USP45: variants seen among roughly 807,000 people sequenced by gnomAD.
The protein encoded by USP45 is ubiquitin carboxyl-terminal hydrolase 45.
A neutral mutation model predicts 95.8 loss-of-function variants in USP45; 89 were observed. The ratio of observed to expected loss-of-function variants is 0.93; its 90% CI spans 0.78 to 1.11. The LOEUF (loss-of-function observed/expected upper bound fraction) is 1.11. Ranked by LOEUF, USP45 falls within the 50% of genes least tolerant of loss-of-function variation. The pLI, the probability that USP45 is intolerant of heterozygous loss-of-function variation, is 0.00. For synonymous variants in USP45, 281 were observed against 316.2 expected, an observed-to-expected ratio of 0.89 and a Z score of 1.18; for missense variants, 898 against 942.5, an observed-to-expected ratio of 0.95 and a Z score of 0.62.
chr6:99,437,369 C>T lies in USP45; in HGVS notation c.2191G>A (p.Gly731Ser), dbSNP rs1431683241. The change falls in exon 17 of 18, where the codon GGT becomes AGT. Residue 731 changes from glycine to serine, a missense_variant. Transcript: ENST00000500704. ...NASVGDKVLY[G>S]LYGIVEHSGS... is the part of the protein sequence containing the mutation. Reference sequence around the variant, plus strand: ...CTATGTTCCACTATGCCATAGAGACCGTAGAGAACTTTATCTCCCACACTT... The same window carrying T: ...CTATGTTCCACTATGCCATAGAGACTGTAGAGAACTTTATCTCCCACACTT... The T allele has an allele frequency of 4.4e-6, 7 of 1,604,114 alleles. No individual in the cohort carries two copies. The highest frequency in any genetic ancestry group is 3.4e-5 in the South Asian group (3 of 88,558).
At chr6:99,439,977 T>G (rs1259705085) in intron 15 of USP45, 122 bp from the exon 16 acceptor site, 2 of 577,358 alleles carry the variant, frequency 3.5e-6, no homozygotes, top group African/African-American at 3.8e-5. Flanking sequence ...ATGTGACTAA[T>G]GTATAGTCTA....
chr6:99,469,484 ATATTTTT>A lies in USP45; in HGVS notation c.934-873_934-867del, dbSNP rs1012708923. Among the ~76,000 whole-genome samples, 8 of 8,816 alleles carry A rather than the reference ATATTTTT, an allele frequency of 9.1e-4. No individual in the cohort carries two copies. In the Admixed American group the frequency reaches 9.5e-3, roughly 10 times the overall value. The allele number at this position is 8,816 out of a possible 152,430, so 5.8% of individuals were successfully genotyped here. The stretch of plus-strand genomic sequence containing the variant: ...TAATATATATATAATATATATATAT[ATATTTTT>A]TTTTTTTTTGAGAGTCTTGTTTTGT... On this transcript the variant is annotated intron_variant, in intron 9 of 17. Transcript: ENST00000500704.
chr6:99,508,866 A>G lies in USP45; in HGVS notation c.101-84T>C, dbSNP rs1321483671. On this transcript the variant is annotated intron_variant, in intron 2 of 17. Coordinates refer to ENST00000500704, the MANE Select transcript of USP45 (RefSeq NM_001346022.3). ...ACTGAGCAAACCTCAAAAGTATTAA[A>G]TGCTGTTAACTAAAAAGCACAGAGA... 4.8e-6 allele frequency: 6 copies of G among 1,240,726 alleles called. No homozygotes were observed. The Admixed American group carries it at 1.1e-4, about 23-fold the overall frequency. 76.9% of individuals were successfully genotyped at this position (1,240,726 alleles called of 1,614,324 possible).
intron 1 of USP45, among the ~76,000 whole-genome samples, chr6:99,511,841 GTGTGTA>G (rs1323535052): frequency 0.04 from 5,281 of 133,084 alleles, 235 homozygotes; most frequent in African/African-American, 0.072. Context: ...GTATGTGAGT[GTGTGTA>G]TATATATATA....
intron 5 of USP45, among the ~76,000 whole-genome samples, chr6:99,494,984 G>A (rs545903517): frequency 1.3e-5 from 2 of 152,206 alleles, no homozygotes; most frequent in East Asian, 3.9e-4. Context: ...AATATCTTTA[G>A]AATCTTGGAG....
chr6:99,459,500 C>T (rs1025062452), intron 13 of USP45, among the ~76,000 whole-genome samples: 19 of 152,116 alleles, frequency 1.2e-4, no homozygotes, highest in Non-Finnish European at 2.9e-5. Context: ...GGTATATACC[C>T]AGTAATGGAA....
At position 99,455,365 on chromosome 6, in the gene USP45, C is replaced by A. The variant is rs574656358; in HGVS notation, c.1309-8902G>T. Among the ~76,000 whole-genome samples, 17 of 152,136 alleles carry A rather than the reference C, an allele frequency of 1.1e-4. 1 individual carries two copies. In the East Asian group the frequency reaches 2.5e-3, roughly 22 times the overall value. On this transcript the variant is annotated intron_variant, in intron 13 of 17. Coordinates refer to ENST00000500704, the MANE Select transcript of USP45 (RefSeq NM_001346022.3). ...GAGATGGAGGCTGAGGCATGAGAAT[C>A]ACTTGAACCCAGGAGGAAGAGGTTG... is the stretch of plus-strand genomic sequence containing the variant.
At chr6:99,488,540 C>A in intron 6 of USP45, 141 bp downstream of exon 6, 1 of 932,168 alleles carries the variant, frequency 1.1e-6, no homozygotes, top group Non-Finnish European at 1.6e-6. Flanking sequence ...TGGTGATGGC[C>A]CAAGATAGCG....
intron 8 of USP45, among the ~76,000 whole-genome samples, chr6:99,479,368 C>T (rs1791742022): frequency 6.6e-6 from 1 of 151,834 alleles, no homozygotes; most frequent in South Asian, 2.1e-4. Flanking sequence ...CACCATCACA[C>T]CTCTGGCTAA....
At chr6:99,446,940 C>T (rs1374083458) in intron 13 of USP45, among the ~76,000 whole-genome samples, 6 of 152,140 alleles carry the variant, frequency 3.9e-5, no homozygotes, top group African/African-American at 7.2e-5. Flanking sequence ...GATAAAGTCT[C>T]GCCATGTTGC....
chr6:99,487,633 C>CAAAAAAAAAAAA (rs11335830), intron 7 of USP45, among the ~76,000 whole-genome samples: 13 of 106,382 alleles, frequency 1.2e-4, no homozygotes, highest in East Asian at 2.9e-4. Context: ...ACTAAAAATA[C>CAAAAAAAAAAAA]AAAAAAAAAA....
intron 7 of USP45, among the ~76,000 whole-genome samples, chr6:99,483,837 T>C (rs1583289524): frequency 3.0e-5 from 2 of 67,030 alleles, no homozygotes; most frequent in African/African-American, 1.5e-4. Context: ...AGAGCGAGAC[T>C]CCGTCTCAAA....
chr6:99,453,666 G>T (rs954369017), intron 13 of USP45, among the ~76,000 whole-genome samples: 1 of 152,126 alleles, frequency 6.6e-6, no homozygotes, highest in African/African-American at 2.4e-5. Context: ...CCTAAAATAT[G>T]TATGGAACCT....
At chr6:99,442,358 C>T (rs1300606219) in intron 15 of USP45, among the ~76,000 whole-genome samples, 12 of 152,328 alleles carry the variant, frequency 7.9e-5, no homozygotes, top group Non-Finnish European at 1.5e-5. Flanking sequence ...TGAGCTTCTA[C>T]AACCTTGGCT....
chr6:99,454,756 G>A (rs1562326513), intron 13 of USP45, among the ~76,000 whole-genome samples: 1 of 152,274 alleles, frequency 6.6e-6, no homozygotes, highest in Middle Eastern at 3.4e-3. Flanking sequence ...TCTGAAACAC[G>A]GTTGGTGGGA....
Position 99,435,427 on chromosome 6 carries a change from A to G in USP45, c.*289T>C, listed in dbSNP as rs1303852850. 4.4e-6 allele frequency: 1 copy of G among 229,070 alleles called. No individual in the cohort carries two copies. The highest frequency in any genetic ancestry group is 9.3e-5 in the East Asian group (1 of 10,724). 14.2% of individuals were successfully genotyped at this position (229,070 alleles called of 1,614,324 possible). Reference sequence around the variant, plus strand: ...ATCATTTCTGAATGCTTGTAATAATAAGCCACATCATAAAGGGGTTTCCTT... The same window carrying G: ...ATCATTTCTGAATGCTTGTAATAATGAGCCACATCATAAAGGGGTTTCCTT... On this transcript the variant is annotated 3_prime_UTR_variant, in exon 18 of 18. Transcript: ENST00000500704.
At chr6:99,506,536 T>C (rs767378912) in intron 4 of USP45, among the ~76,000 whole-genome samples, 1 of 152,164 alleles carries the variant, frequency 6.6e-6, no homozygotes, top group Non-Finnish European at 1.5e-5. Flanking sequence ...CTCAAACTGC[T>C]GACCTCAAGT....
Position 99,435,668 on chromosome 6 carries a change from CTG to C in USP45, c.*46_*47del. ...GGCACATTATATATTATAGTTATCA[CTG>C]TGGCATTCAAAAACAAATGACCTAA... On this transcript the variant is annotated 3_prime_UTR_variant, in exon 18 of 18. Coordinates refer to ENST00000500704, the MANE Select transcript of USP45 (RefSeq NM_001346022.3). 1 of 1,527,988 alleles carries C rather than the reference CTG, an allele frequency of 6.5e-7. No homozygotes were observed. Among genetic ancestry groups the C allele is most frequent in the Non-Finnish European group, 9.0e-7 (1 of 1,114,466 alleles). The allele number at this position is 1,527,988 out of a possible 1,614,324, so 94.7% of individuals were successfully genotyped here.
At chr6:99,447,023 C>A (rs946220338) in intron 13 of USP45, among the ~76,000 whole-genome samples, 4 of 152,210 alleles carry the variant, frequency 2.6e-5, no homozygotes, top group Non-Finnish European at 5.9e-5. Context: ...TTTTCAGTTA[C>A]TGTATAAGCC....
Sources: allele counts gnomAD v4.1 joint callset (sites outside exome capture counted in the v4.1 genomes callset), GRCh38; gene constraint gnomAD v4.1.1; transcripts MANE v1.5; gene names NCBI Gene and HGNC (gene_info 2026-07-23, HGNC 2026-07-21).